DNM3: variants seen among roughly 807,000 people sequenced by gnomAD.
The protein encoded by DNM3 is dynamin-3.
DNM3 carries 47 observed loss-of-function variants against 101.6 expected under a neutral mutation model. The ratio of observed to expected loss-of-function variants is 0.46; its 90% CI spans 0.37 to 0.59. The LOEUF (loss-of-function observed/expected upper bound fraction) is 0.59, where lower values mean the gene tolerates loss of function less well. DNM3 is among the 20% of genes least tolerant of loss of function. The pLI is 0.00. For missense variants in DNM3, 849 were observed against 1,085.7 expected (o/e 0.78, Z 3.06); for synonymous variants, 385 against 387.9 (o/e 0.99, Z 0.09).
rs1197963024 is a variant in DNM3, at chr1:172,409,526, A to G, written c.*1685A>G. On this transcript the variant is annotated 3_prime_UTR_variant, in exon 21 of 21. Transcript: ENST00000627582. ...AAAGGTCATTTCAACTTTTAAGGTT[A>G]CCAGTGATTGTATAAAAACATCACA... The G allele has an allele frequency of 2.0e-6, 2 of 984,256 alleles. No individual in the cohort carries two copies. Among genetic ancestry groups the G allele is most frequent in the Non-Finnish European group, 2.4e-6 (2 of 828,998 alleles). The allele number at this position is 984,256 out of a possible 1,614,324, so 61.0% of individuals were successfully genotyped here.
intron 12 of DNM3, among the ~76,000 whole-genome samples, chr1:172,091,009 A>T (rs529456592): frequency 1.3e-5 from 2 of 152,336 alleles, no homozygotes; most frequent in African/African-American, 4.8e-5. Flanking sequence ...ATACGTGTTT[A>T]TTCATGGATC....
intron 14 of DNM3, chr1:172,144,241 A>G (rs1424929883): frequency 2.0e-5 from 3 of 152,252 alleles, no homozygotes; most frequent in Non-Finnish European, 2.9e-5. Context: ...GCTCTTTTAA[A>G]ATTAAATACA....
intron 15 of DNM3, among the ~76,000 whole-genome samples, chr1:172,265,907 T>A (rs1573208754): frequency 6.6e-6 from 1 of 152,172 alleles, no homozygotes; most frequent in Non-Finnish European, 1.5e-5. Context: ...TCTTTTAAAA[T>A]AAGGCATTCT....
intron 15 of DNM3, among the ~76,000 whole-genome samples, chr1:172,298,220 G>A (rs964694796): frequency 6.6e-6 from 1 of 152,114 alleles, no homozygotes; most frequent in African/African-American, 2.4e-5. Context: ...ATGGACTGCT[G>A]TGATTGCTTT....
At chr1:172,251,523 A>G (rs1421078341) in intron 14 of DNM3, among the ~76,000 whole-genome samples, 2 of 152,092 alleles carry the variant, frequency 1.3e-5, no homozygotes, top group Non-Finnish European at 2.9e-5. Context: ...GCCTGGGATA[A>G]ATGACATTTA....
intron 4 of DNM3, among the ~76,000 whole-genome samples, chr1:172,030,014 T>C (rs1039807858): frequency 1.6e-4 from 25 of 152,196 alleles, no homozygotes; most frequent in African/African-American, 6.0e-4. Context: ...GCTACCTCTA[T>C]CAAGCTACCA....
At chr1:172,241,263 G>A (rs2061739343) in intron 14 of DNM3, among the ~76,000 whole-genome samples, 1 of 151,622 alleles carries the variant, frequency 6.6e-6, no homozygotes. Context: ...GTGTGTGTGT[G>A]TGCACGTGTG....
At chr1:172,008,927 A>G (rs1176211936) in intron 4 of DNM3, among the ~76,000 whole-genome samples, 1 of 137,778 alleles carries the variant, frequency 7.3e-6, no homozygotes, top group Non-Finnish European at 1.5e-5. Flanking sequence ...ATATTATATT[A>G]ATTAAATATT....
At chr1:172,232,690 C>G (rs1489241994) in intron 14 of DNM3, among the ~76,000 whole-genome samples, 2 of 152,232 alleles carry the variant, frequency 1.3e-5, no homozygotes, top group Non-Finnish European at 2.9e-5. Context: ...CAAACTGTCT[C>G]TCAGACCACA....
At chr1:171,902,387 G>A (rs1206554776) in intron 1 of DNM3, among the ~76,000 whole-genome samples, 1 of 152,200 alleles carries the variant, frequency 6.6e-6, no homozygotes, top group Non-Finnish European at 1.5e-5. Flanking sequence ...AATTGTGGTA[G>A]CCCTGTTGAT....
chr1:172,261,951 G>A (rs1325908515), intron 15 of DNM3, among the ~76,000 whole-genome samples: 1 of 152,178 alleles, frequency 6.6e-6, no homozygotes, highest in Non-Finnish European at 1.5e-5. Context: ...TCCCTGGATG[G>A]TATGCTCAGG....
At chr1:171,888,586 T>C (rs1277090832) in intron 1 of DNM3, among the ~76,000 whole-genome samples, 1 of 152,200 alleles carries the variant, frequency 6.6e-6, no homozygotes, top group Non-Finnish European at 1.5e-5. Flanking sequence ...TTTTCTAAAC[T>C]TCTAAGGTTA....
intron 13 of DNM3, among the ~76,000 whole-genome samples, chr1:172,117,031 C>A (rs1336854815): frequency 1.3e-5 from 2 of 151,990 alleles, no homozygotes; most frequent in African/African-American, 2.4e-5. Flanking sequence ...CATGGAGAAA[C>A]CCTGTCTCTA....
Position 171,947,849 on chromosome 1 carries a change from G to A in DNM3, c.235+26028G>A, listed in dbSNP as rs116038594. On this transcript the variant is annotated intron_variant, in intron 2 of 20. Transcript: ENST00000627582. ...GATACATTTTAAAGTGTTTAATATC[G>A]CAAAGGTCTTTGAATTTTAGCAGAG... Among the ~76,000 whole-genome samples the A allele has an allele frequency of 6.5e-3, 985 of 152,254 alleles. 16 individuals carry two copies. Among genetic ancestry groups the A allele is most frequent in the African/African-American group, 0.022 (894 of 41,546 alleles).
intron 14 of DNM3, among the ~76,000 whole-genome samples, chr1:172,230,719 G>C (rs549512211): frequency 6.6e-6 from 1 of 151,934 alleles, no homozygotes; most frequent in Admixed American, 6.6e-5. Context: ...AGCCCATTGC[G>C]AGCACACTTC....
chr1:172,293,030 G>A lies in DNM3; in HGVS notation c.1770-15698G>A, dbSNP rs138221838. On this transcript the variant is annotated intron_variant, in intron 15 of 20. Transcript: ENST00000627582. ...ATGTAATACATGTGGCCGACTGTGC[G>A]TGTAGCCTCCCTGGAGGCCAGTTTG... Among the ~76,000 whole-genome samples, 50 of 152,324 alleles carry A rather than the reference G, an allele frequency of 3.3e-4. No individual in the cohort carries two copies. In the East Asian group the frequency reaches 8.3e-3, roughly 25 times the overall value.
At chr1:172,131,379 C>T (rs2056927661) in intron 14 of DNM3, 91 bp downstream of exon 14, 3 of 1,053,134 alleles carry the variant, frequency 2.8e-6, no homozygotes, top group Non-Finnish European at 4.3e-6. Flanking sequence ...TTTGAGACAC[C>T]AGTGGTTCTC....
intron 20 of DNM3, among the ~76,000 whole-genome samples, chr1:172,401,893 C>T (rs928021725): frequency 6.6e-6 from 1 of 152,092 alleles, no homozygotes; most frequent in African/African-American, 2.4e-5. Context: ...GCAAATACAT[C>T]GCTGAAATTT....
chr1:171,898,828 T>C (rs2038050254), intron 1 of DNM3, among the ~76,000 whole-genome samples: 2 of 152,190 alleles, frequency 1.3e-5, no homozygotes, highest in South Asian at 4.1e-4. Flanking sequence ...TAATGATTAC[T>C]TAGTCTACAG....
Sources: gnomAD v4.1 joint callset for allele counts (sites outside exome capture counted in the v4.1 genomes callset) on GRCh38, gnomAD v4.1.1 for gene constraint, MANE v1.5 for transcripts, NCBI Gene and HGNC (gene_info 2026-07-23, HGNC 2026-07-21) for gene names.